AQP8: variants seen among roughly 807,000 people sequenced by gnomAD.
AQP8 encodes aquaporin 8.
A neutral mutation model predicts 26.1 loss-of-function variants in AQP8; 14 were observed. That is an observed-to-expected ratio of 0.54 (90% CI 0.35 to 0.84). The LOEUF (loss-of-function observed/expected upper bound fraction) is 0.84. AQP8 is among the 40% of genes least tolerant of loss of function. The pLI is 0.01. For missense variants in AQP8, 301 were observed against 340.5 expected, an observed-to-expected ratio of 0.88 and a Z score of 0.91; for synonymous variants, 131 against 150.7, an observed-to-expected ratio of 0.87 and a Z score of 0.96.
chr16:25,223,985 C>T (rs1158691392), intron 3 of AQP8, among the ~76,000 whole-genome samples: 2 of 152,082 alleles, frequency 1.3e-5, no homozygotes, highest in African/African-American at 4.8e-5. Context: ...TGCCACTTCA[C>T]CCCGCTAATT....
chr16:25,224,286 GT>G (rs1567344473), intron 3 of AQP8, 75 bp from the exon 4 acceptor site: 6 of 1,421,660 alleles, frequency 4.2e-6, no homozygotes, highest in Non-Finnish European at 3.8e-6. Flanking sequence ...GGTAGCATGC[GT>G]TTTTTAGGCC....
rs568039720 is a variant in AQP8 at position 25,217,530 on chromosome 16, C to G, written c.260+85C>G. The G allele has an allele frequency of 4.6e-6, 7 of 1,536,928 alleles. No individual in the cohort carries two copies. The South Asian group carries it at 7.5e-5, about 16-fold the overall frequency. On this transcript the variant is annotated intron_variant, in intron 2 of 5. Transcript: ENST00000219660. The stretch of plus-strand genomic sequence containing the variant: ...AAAGGCGTTGTCAAGGACCCCTGGG[C>G]GCATACGTATTCGGGATTTCAAGGA...
chr16:25,219,091 G>C (rs1962523976), intron 2 of AQP8, among the ~76,000 whole-genome samples: 1 of 151,364 alleles, frequency 6.6e-6, no homozygotes, highest in African/African-American at 2.4e-5. Context: ...AATAATAGCT[G>C]ATGTTTTTTG....
At chr16:25,225,700 G>A (rs1017452811) in intron 4 of AQP8, among the ~76,000 whole-genome samples, 3 of 152,006 alleles carry the variant, frequency 2.0e-5, no homozygotes, top group African/African-American at 4.8e-5. Flanking sequence ...GAGCCACCGC[G>A]CCCCGCCTAC....
intron 2 of AQP8, among the ~76,000 whole-genome samples, chr16:25,220,944 A>G (rs112838885): frequency 0.035 from 5,300 of 152,260 alleles, 117 homozygotes; most frequent in African/African-American, 0.05. Context: ...CCAGCTACTT[A>G]GGAGGCTGAG....
chr16:25,219,103 A>G lies in AQP8; in HGVS notation c.260+1658A>G, dbSNP rs567176022. ...AATAATAATAGCTGATGTTTTTTGAATGCTAACTACATAGATACTACTATG... is the reference window on the plus strand; with the variant it reads ...AATAATAATAGCTGATGTTTTTTGAGTGCTAACTACATAGATACTACTATG... On this transcript the variant is annotated intron_variant, in intron 2 of 5. Transcript: ENST00000219660. Among the ~76,000 whole-genome samples, 22 of 151,504 alleles carry G rather than the reference A, an allele frequency of 1.5e-4. 1 individual carries two copies. Among genetic ancestry groups the G allele is most frequent in the African/African-American group, 4.6e-4 (19 of 41,142 alleles).
intron 4 of AQP8, 101 bp downstream of exon 4, chr16:25,224,677 G>T: frequency 8.0e-7 from 1 of 1,251,318 alleles, no homozygotes; most frequent in Non-Finnish European, 1.1e-6. Context: ...GCTATTAGGG[G>T]CCAGGAAGGT....
At chr16:25,223,985 C>G (rs1158691392) in intron 3 of AQP8, among the ~76,000 whole-genome samples, 1 of 152,082 alleles carries the variant, frequency 6.6e-6, no homozygotes, top group Non-Finnish European at 1.5e-5. Flanking sequence ...TGCCACTTCA[C>G]CCCGCTAATT....
In AQP8 at chr16:25,217,021, C is replaced by T; in HGVS notation, c.-25C>T. 1 of 1,613,938 alleles carries T rather than the reference C, an allele frequency of 6.2e-7. No individual in the cohort carries two copies. On this transcript the variant is annotated 5_prime_UTR_variant, in exon 1 of 6. Coordinates refer to ENST00000219660, the MANE Select transcript of AQP8 (RefSeq NM_001169.3). ...GTTTCCCAGCAGCTCAGGCAAGAGT[C>T]CGATGTTTGTGCCATCTGATCCTGA...
At chr16:25,221,401 G>A in intron 2 of AQP8, 56 bp from the exon 3 acceptor site, 1 of 1,592,830 alleles carries the variant, frequency 6.3e-7, no homozygotes, top group Non-Finnish European at 8.6e-7. Context: ...TGTCTCAAGT[G>A]CCAGCCATGT....
chr16:25,222,016 C>T (rs1315544837), intron 3 of AQP8, among the ~76,000 whole-genome samples: 1 of 152,148 alleles, frequency 6.6e-6, no homozygotes, highest in East Asian at 1.9e-4. Context: ...GATCTACCTG[C>T]CTTGGTCTCC....
rs1314587681 is a variant in AQP8, at chr16:25,224,690, TG to T, written c.602+115del. ...TTGCTATTAGGGGCCAGGAAGGTGC[TG>T]CAAATGGGGAGGGGGGCTGGCATCA... On this transcript the variant is annotated intron_variant, in intron 4 of 5. Coordinates refer to ENST00000219660, the MANE Select transcript of AQP8 (RefSeq NM_001169.3). The T allele has an allele frequency of 2.7e-6, 3 of 1,107,258 alleles. No individual in the cohort carries two copies. In the Admixed American group the frequency reaches 6.8e-5, roughly 25 times the overall value. The allele number at this position is 1,107,258 out of a possible 1,614,324, so 68.6% of individuals were successfully genotyped here.
At chr16:25,224,663 A>C in intron 4 of AQP8, 87 bp downstream of exon 4, 1 of 1,361,116 alleles carries the variant, frequency 7.3e-7, no homozygotes, top group Non-Finnish European at 1.0e-6. Flanking sequence ...TCACAGATTC[A>C]GTTGCTATTA....
chr16:25,220,142 G>A (rs1006127987), intron 2 of AQP8, among the ~76,000 whole-genome samples: 8 of 152,080 alleles, frequency 5.3e-5, no homozygotes, highest in Non-Finnish European at 1.2e-4. Context: ...AGCTGGTCTC[G>A]AGCTATCAGG....
chr16:25,224,414 C>CA lies in AQP8; in HGVS notation c.441dup (p.Val148SerfsTer32). On this transcript the variant is annotated frameshift_variant, in exon 4 of 6. Transcript: ENST00000219660. LOFTEE classifies it high-confidence loss of function. ...AATGCATCTGGGGCGGCCTTTGTGA[C>CA]AGTCCAGGAGCAGGGGCAGGTGGCA... is the stretch of plus-strand genomic sequence containing the variant. 6.2e-7 allele frequency: 1 copy of CA among 1,614,122 alleles called. No homozygotes were observed. The highest frequency in any genetic ancestry group is 1.7e-5 in the Admixed American group (1 of 60,008).
intron 5 of AQP8, among the ~76,000 whole-genome samples, chr16:25,227,886 GT>G (rs1487903927): frequency 2.0e-5 from 3 of 151,826 alleles, no homozygotes; most frequent in African/African-American, 7.3e-5. Context: ...AAAGCGCTGG[GT>G]TACAGGCGTG....
intron 3 of AQP8, 112 bp from the exon 4 acceptor site, chr16:25,224,250 A>T: frequency 2.0e-6 from 2 of 981,782 alleles, no homozygotes; most frequent in Non-Finnish European, 3.0e-6. Context: ...GAAATTGGAC[A>T]TAACCCTTCA....
At chr16:25,221,688 A>C in intron 3 of AQP8, 105 bp downstream of exon 3, 1 of 1,405,370 alleles carries the variant, frequency 7.1e-7, no homozygotes, top group Non-Finnish European at 9.7e-7. Flanking sequence ...GAAATGTCCA[A>C]TCTTTTGCTT....
intron 4 of AQP8, 121 bp downstream of exon 4, chr16:25,224,697 G>A: frequency 2.9e-6 from 3 of 1,030,108 alleles, no homozygotes; most frequent in Non-Finnish European, 2.8e-6. Context: ...TGCTGCAAAT[G>A]GGGAGGGGGG....
Sources: allele counts gnomAD v4.1 joint callset (sites outside exome capture counted in the v4.1 genomes callset), GRCh38; gene constraint gnomAD v4.1.1; transcripts MANE v1.5; gene names NCBI Gene and HGNC (gene_info 2026-07-23, HGNC 2026-07-21).